The following RPH3AL variants were observed in gnomAD, a reference collection of about 807,000 sequenced individuals.
RPH3AL encodes rabphilin 3A like (without C2 domains), also known as rab effector Noc2.
RPH3AL carries 38 observed loss-of-function variants against 43.1 expected under a neutral mutation model. The observed-to-expected ratio is 0.88, with a 90% CI of 0.68 to 1.15. RPH3AL has a LOEUF of 1.15. Among genes scored for constraint, RPH3AL ranks in the 50% most tolerant of loss-of-function variants. The pLI is 0.00. For missense variants in RPH3AL, 462 were observed against 423.2 expected, an observed-to-expected ratio of 1.09 and a Z score of -0.81; for synonymous variants, 189 against 176.3, an observed-to-expected ratio of 1.07 and a Z score of -0.57.
intron 6 of RPH3AL, among the ~76,000 whole-genome samples, chr17:252,654 G>A (rs1245265324): frequency 6.6e-6 from 1 of 152,078 alleles, no homozygotes; most frequent in Non-Finnish European, 1.5e-5. Flanking sequence ...CACGGGCAGC[G>A]CCGCAGCCAT....
chr17:223,933 C>T (rs1567563045), intron 7 of RPH3AL, among the ~76,000 whole-genome samples: 1 of 151,978 alleles, frequency 6.6e-6, no homozygotes, highest in South Asian at 2.1e-4. Flanking sequence ...AGTAGGTTCA[C>T]CCCCAGCAGA....
At position 345,624 on chromosome 17, in the gene RPH3AL, C is replaced by T. The variant is rs1285395438; in HGVS notation, c.-213+7088G>A. 2.3e-5 allele frequency among the ~76,000 whole-genome samples: 3 copies of T among 131,670 alleles called. 1 individual carries two copies. The highest frequency in any genetic ancestry group is 1.4e-4 in the Admixed American group (2 of 13,816). 86.4% of individuals were successfully genotyped at this position (131,670 alleles called of 152,430 possible). On this transcript the variant is annotated intron_variant, in intron 1 of 9. Coordinates refer to ENST00000331302, the MANE Select transcript of RPH3AL (RefSeq NM_006987.4). Reference sequence around the variant, plus strand: ...AGAAGTGGGTGCCTGCTGGGGCACGCGTGCTCCCCATCTGCACGCACACCC... The same window carrying T: ...AGAAGTGGGTGCCTGCTGGGGCACGTGTGCTCCCCATCTGCACGCACACCC...
At chr17:324,013 A>G (rs552982883) in intron 3 of RPH3AL, among the ~76,000 whole-genome samples, 1 of 150,180 alleles carries the variant, frequency 6.7e-6, no homozygotes, top group East Asian at 2.0e-4. Context: ...CCTGCAAGGC[A>G]GGCCCAGACC....
intron 5 of RPH3AL, among the ~76,000 whole-genome samples, chr17:293,785 T>C (rs2043103394): frequency 6.6e-6 from 1 of 151,820 alleles, no homozygotes; most frequent in Non-Finnish European, 1.5e-5. Flanking sequence ...TCCCAGCAAT[T>C]TGGGAGGCTG....
At chr17:307,014 C>T (rs1195760158) in intron 5 of RPH3AL, among the ~76,000 whole-genome samples, 1 of 152,174 alleles carries the variant, frequency 6.6e-6, no homozygotes, top group Admixed American at 6.5e-5. Context: ...CCGGCTGCCA[C>T]ATCTGCTCCA....
At chr17:351,261 A>T (rs1487074515) in intron 1 of RPH3AL, among the ~76,000 whole-genome samples, 1 of 152,106 alleles carries the variant, frequency 6.6e-6, no homozygotes, top group Non-Finnish European at 1.5e-5. Flanking sequence ...TTAACTGGTC[A>T]TCTGCCTCCA....
chr17:331,955 AAC>A (rs1210000098), intron 2 of RPH3AL: 1 of 1,093,592 alleles, frequency 9.1e-7, no homozygotes, highest in Non-Finnish European at 1.2e-6. Context: ...AGGGAAGGCA[AAC>A]CCCCAAATTC....
chr17:313,931 G>A (rs1428539270), intron 5 of RPH3AL, among the ~76,000 whole-genome samples: 1 of 152,066 alleles, frequency 6.6e-6, no homozygotes, highest in Non-Finnish European at 1.5e-5. Flanking sequence ...AGAAGCCTCA[G>A]AAGCTCAAAG....
chr17:232,336 G>A (rs927232880), intron 7 of RPH3AL, among the ~76,000 whole-genome samples: 1 of 152,200 alleles, frequency 6.6e-6, no homozygotes, highest in Non-Finnish European at 1.5e-5. Flanking sequence ...GACGCACAGC[G>A]CCCAGGACAG....
chr17:339,949 G>C (rs115273851), intron 1 of RPH3AL, among the ~76,000 whole-genome samples: 2,490 of 152,242 alleles, frequency 0.016, 70 homozygotes, highest in African/African-American at 0.054. Flanking sequence ...GCTGGGACCT[G>C]TGGGACCTCA....
chr17:338,017 C>T (rs1015355811), intron 1 of RPH3AL, among the ~76,000 whole-genome samples: 1 of 152,218 alleles, frequency 6.6e-6, no homozygotes, highest in Non-Finnish European at 1.5e-5. Flanking sequence ...ACTTCTCCCC[C>T]ATCTCAAGTG....
At chr17:248,643 G>A (rs1567583488) in intron 6 of RPH3AL, among the ~76,000 whole-genome samples, 1 of 152,156 alleles carries the variant, frequency 6.6e-6, no homozygotes, top group African/African-American at 2.4e-5. Context: ...GCTCTGAGGG[G>A]TCCCTCTGTT....
intron 7 of RPH3AL, among the ~76,000 whole-genome samples, chr17:233,306 G>A (rs868309769): frequency 2.0e-5 from 3 of 152,124 alleles, no homozygotes; most frequent in South Asian, 2.1e-4. Context: ...AGACACGACC[G>A]CTGGGAGAGA....
chr17:269,034 A>T (rs571130790), intron 6 of RPH3AL, among the ~76,000 whole-genome samples: 3 of 151,862 alleles, frequency 2.0e-5, no homozygotes, highest in Non-Finnish European at 2.9e-5. Context: ...GCCCGCCACC[A>T]CGCCTGGCTA....
chr17:217,444 C>T (rs1392565485), intron 8 of RPH3AL, among the ~76,000 whole-genome samples: 6 of 42,156 alleles, frequency 1.4e-4, no homozygotes, highest in Non-Finnish European at 4.1e-4. Flanking sequence ...CAAAATTGGC[C>T]TCGCTGAAAT....
rs2044854483 is a variant in RPH3AL at position 333,410 on chromosome 17, T to G, written c.-37+349A>C. ...CCTTCCAACTTTTCCTGGGCATTTA[T>G]GTACAAATTGTAATAAAATTGGGTT... On this transcript the variant is annotated intron_variant, in intron 2 of 9. Transcript: ENST00000331302. This position sits in a 1 kb window ranked among gnomAD's most constrained non-coding sequence, Gnocchi z 4.5. 1 of 742,576 alleles carries G rather than the reference T, an allele frequency of 1.3e-6. No individual in the cohort carries two copies. The highest frequency in any genetic ancestry group is 3.1e-5 in the Admixed American group (1 of 32,106). 46.0% of individuals were successfully genotyped at this position (742,576 alleles called of 1,614,324 possible).
At position 323,111 on chromosome 17, in the gene RPH3AL, T is replaced by C. The variant is rs2044525112; in HGVS notation, c.78-1696A>G. 1.3e-5 allele frequency among the ~76,000 whole-genome samples: 2 copies of C among 152,106 alleles called. No homozygotes were observed. The highest frequency in any genetic ancestry group is 1.3e-4 in the Admixed American group (2 of 15,260). On this transcript the variant is annotated intron_variant, in intron 3 of 9. Coordinates refer to ENST00000331302, the MANE Select transcript of RPH3AL (RefSeq NM_006987.4). The surrounding 1 kb of genome is among the most constrained non-coding windows in gnomAD (Gnocchi z 4.4). ...AGGGCTGTCAGGCATGGCTTTACCATGTGTGAGCTTTTGCAGGATGAACAG... is the reference window on the plus strand; with the variant it reads ...AGGGCTGTCAGGCATGGCTTTACCACGTGTGAGCTTTTGCAGGATGAACAG...
intron 6 of RPH3AL, among the ~76,000 whole-genome samples, chr17:269,986 C>T (rs1480009198): frequency 6.6e-6 from 1 of 152,140 alleles, no homozygotes; most frequent in Non-Finnish European, 1.5e-5. Context: ...CCAGGAGCCC[C>T]CTCCTCCTGC....
At chr17:282,549 G>C (rs11657652) in intron 5 of RPH3AL, among the ~76,000 whole-genome samples, 83,468 of 152,134 alleles carry the variant, frequency 0.55, 25,504 homozygotes, top group Non-Finnish European at 0.68. Context: ...AAGACCCCAC[G>C]CCTGGGAGCT....
Sources: allele counts gnomAD v4.1 joint callset (sites outside exome capture counted in the v4.1 genomes callset), GRCh38; gene constraint gnomAD v4.1.1; non-coding constraint Gnocchi (gnomAD v3.1); transcripts MANE v1.5; gene names NCBI Gene and HGNC (gene_info 2026-07-23, HGNC 2026-07-21).